Variants in BACH2 observed in about 807,000 individuals in gnomAD.
BACH2 encodes the protein transcription regulator protein BACH2.
In BACH2, 5 loss-of-function variants were observed where a neutral mutation model predicts 61.8. The observed-to-expected ratio is 0.08, with a 90% CI of 0.04 to 0.17. The LOEUF (loss-of-function observed/expected upper bound fraction) is 0.17, where lower values mean the gene tolerates loss of function less well. Ranked by LOEUF, BACH2 falls within the 10% of genes least tolerant of loss-of-function variation. The probability of loss-of-function intolerance (pLI) is 1.00; values close to 1 mark genes in which losing one functional copy is unlikely to be tolerated. For missense variants in BACH2, 824 were observed against 1,091.1 expected (o/e 0.76, Z 3.45); for synonymous variants, 446 against 440.1 (o/e 1.01, Z -0.17).
At chr6:90,068,156 T>C (rs957360100) in intron 5 of BACH2, among the ~76,000 whole-genome samples, 6 of 152,230 alleles carry the variant, frequency 3.9e-5, no homozygotes, top group Admixed American at 3.3e-4. Context: ...AAGATACTTA[T>C]TGTGAAAGTA....
At chr6:90,105,412 T>C (rs578013381) in intron 4 of BACH2, among the ~76,000 whole-genome samples, 59 of 152,268 alleles carry the variant, frequency 3.9e-4, no homozygotes, top group Non-Finnish European at 6.9e-4. Flanking sequence ...CTTTCATCTC[T>C]TGTGGTTTCT....
At chr6:90,173,917 G>A (rs979156004) in intron 4 of BACH2, among the ~76,000 whole-genome samples, 8 of 152,270 alleles carry the variant, frequency 5.3e-5, no homozygotes, top group Non-Finnish European at 1.0e-4. Context: ...TTTGAATAAA[G>A]GAGGCTGGGG....
At chr6:89,989,304 T>A (rs990201139) in intron 6 of BACH2, among the ~76,000 whole-genome samples, 1 of 152,218 alleles carries the variant, frequency 6.6e-6, no homozygotes, top group African/African-American at 2.4e-5. Context: ...CAACTCTCCT[T>A]TTCCACCTCC....
chr6:90,221,643 G>A (rs147050244), intron 3 of BACH2, among the ~76,000 whole-genome samples: 2 of 152,200 alleles, frequency 1.3e-5, no homozygotes, highest in African/African-American at 4.8e-5. Context: ...ACACTATATG[G>A]GAAGGAGTGG....
At chr6:89,968,902 T>C (rs977569748) in intron 6 of BACH2, among the ~76,000 whole-genome samples, 1 of 151,962 alleles carries the variant, frequency 6.6e-6, no homozygotes, top group African/African-American at 2.4e-5. Flanking sequence ...TCCCAGCTAC[T>C]TGGGGGGCTG....
rs187997929 is a variant in BACH2 at position 89,960,992 on chromosome 6, G to A, written c.244-9130C>T. 7.2e-3 allele frequency among the ~76,000 whole-genome samples: 1,091 copies of A among 152,330 alleles called. 11 individuals are homozygous for A. The highest frequency in any genetic ancestry group is 0.012 in the Non-Finnish European group (831 of 68,022). ...TCCATATTGTCTTTCCTGAGAACTG[G>A]CGACACCTTGGGTATGTGGAACCTT... On this transcript the variant is annotated intron_variant, in intron 6 of 8. Coordinates refer to ENST00000257749, the MANE Select transcript of BACH2 (RefSeq NM_021813.4).
At chr6:90,211,126 C>CAAAA (rs3072672) in intron 3 of BACH2, among the ~76,000 whole-genome samples, 1,612 of 45,236 alleles carry the variant, frequency 0.036, 180 homozygotes, top group Non-Finnish European at 0.046. Flanking sequence ...GACTCCATCT[C>CAAAA]AAAAAAAAAA....
At chr6:90,041,373 T>A (rs1369725739) in intron 5 of BACH2, among the ~76,000 whole-genome samples, 3 of 151,808 alleles carry the variant, frequency 2.0e-5, no homozygotes, top group Admixed American at 6.6e-5. Context: ...TTAATGAAAA[T>A]AGATGTTGAA....
intron 5 of BACH2, among the ~76,000 whole-genome samples, chr6:90,045,463 G>A (rs1779733658): frequency 6.6e-6 from 1 of 152,160 alleles, no homozygotes; most frequent in African/African-American, 2.4e-5. Flanking sequence ...AAAGGTGGGG[G>A]GAAGATCACA....
At position 90,008,424 on chromosome 6, in the gene BACH2, C is replaced by T. The variant is rs1486849767; in HGVS notation, c.243+178G>A. Reference sequence around the variant, plus strand: ...CAAGAAAGATATTCACATTCTGTGCCTCTGAGACTTTAAGTGTATCAAATA... The same window carrying T: ...CAAGAAAGATATTCACATTCTGTGCTTCTGAGACTTTAAGTGTATCAAATA... On this transcript the variant is annotated intron_variant, in intron 6 of 8. Transcript: ENST00000257749. This position sits in a 1 kb window ranked among gnomAD's most constrained non-coding sequence, Gnocchi z 4.1. 3.9e-5 allele frequency among the ~76,000 whole-genome samples: 6 copies of T among 152,150 alleles called. No homozygotes were observed. Among genetic ancestry groups the T allele is most frequent in the Non-Finnish European group, 7.3e-5 (5 of 68,030 alleles).
At chr6:90,243,141 G>A (rs577401799) in intron 3 of BACH2, among the ~76,000 whole-genome samples, 11 of 138,354 alleles carry the variant, frequency 8.0e-5, no homozygotes, top group South Asian at 2.4e-4. Flanking sequence ...TGCTCCGCCC[G>A]CCTCAGCCTC....
intron 5 of BACH2, among the ~76,000 whole-genome samples, chr6:90,083,961 A>G (rs754083115): frequency 4.6e-5 from 7 of 152,176 alleles, no homozygotes; most frequent in Non-Finnish European, 2.9e-5. Context: ...ACCATTCTCA[A>G]TGATTCAGCA....
chr6:90,093,749 G>A (rs1258706742), intron 4 of BACH2, among the ~76,000 whole-genome samples: 1 of 152,154 alleles, frequency 6.6e-6, no homozygotes, highest in Non-Finnish European at 1.5e-5. Context: ...ATGTTTAGGT[G>A]TCTCAGAACA....
chr6:90,168,359 T>C (rs1767700547), intron 4 of BACH2, among the ~76,000 whole-genome samples: 2 of 152,130 alleles, frequency 1.3e-5, no homozygotes, highest in Admixed American at 6.6e-5. Flanking sequence ...GAAGTTTAAC[T>C]AAACCTCTAA....
chr6:89,996,183 G>A lies in BACH2; in HGVS notation c.243+12419C>T, dbSNP rs146031260. On this transcript the variant is annotated intron_variant, in intron 6 of 8. Coordinates refer to ENST00000257749, the MANE Select transcript of BACH2 (RefSeq NM_021813.4). ...GGATACGTATCAAGGCCATCTTGATGGCCTCTTTCACCATCCATGTGCTCC... is the reference window on the plus strand; with the variant it reads ...GGATACGTATCAAGGCCATCTTGATAGCCTCTTTCACCATCCATGTGCTCC... 1.0e-3 allele frequency among the ~76,000 whole-genome samples: 157 copies of A among 152,268 alleles called. No homozygotes were observed. The Middle Eastern group carries it at 0.017, about 16-fold the overall frequency.
chr6:90,191,737 T>C (rs1314531210), intron 4 of BACH2, among the ~76,000 whole-genome samples: 2 of 152,168 alleles, frequency 1.3e-5, no homozygotes, highest in Admixed American at 1.3e-4. Context: ...ATATAGTCTA[T>C]TGTAAAGAGG....
chr6:90,014,784 TTTA>T (rs1346264024), intron 5 of BACH2, among the ~76,000 whole-genome samples: 3 of 151,806 alleles, frequency 2.0e-5, no homozygotes, highest in African/African-American at 4.8e-5. Flanking sequence ...TTTTATTTTT[TTTA>T]TTTTTTAAAG....
At chr6:89,987,843 A>C (rs1369759327) in intron 6 of BACH2, among the ~76,000 whole-genome samples, 2 of 152,184 alleles carry the variant, frequency 1.3e-5, no homozygotes, top group Non-Finnish European at 2.9e-5. Flanking sequence ...CTCCCCTTAT[A>C]GCACAACAGC....
intron 4 of BACH2, among the ~76,000 whole-genome samples, chr6:90,106,291 A>G (rs1782906441): frequency 6.6e-6 from 1 of 152,236 alleles, no homozygotes; most frequent in South Asian, 2.1e-4. Flanking sequence ...TACACTTTCC[A>G]TGAAGTAAAT....
Sources: gnomAD v4.1 joint callset for allele counts (sites outside exome capture counted in the v4.1 genomes callset) on GRCh38, gnomAD v4.1.1 for gene constraint, Gnocchi (gnomAD v3.1) non-coding constraint, MANE v1.5 for transcripts, NCBI Gene and HGNC (gene_info 2026-07-23, HGNC 2026-07-21) for gene names.